The following MAGI1 variants were observed in gnomAD, a reference collection of about 807,000 sequenced individuals.
MAGI1 encodes membrane associated guanylate kinase, WW and PDZ domain containing 1, also known as membrane-associated guanylate kinase, WW and PDZ domain-containing protein 1.
In MAGI1, 58 loss-of-function variants were observed where a neutral mutation model predicts 139.9. The observed-to-expected ratio is 0.41, with a 90% CI of 0.34 to 0.52. The LOEUF (loss-of-function observed/expected upper bound fraction) is 0.52. MAGI1 is among the 20% of genes least tolerant of loss of function. The pLI is 0.12. For missense variants in MAGI1, 1,874 were observed against 1,901.6 expected (o/e 0.99, Z 0.27); for synonymous variants, 812 against 737.9 (o/e 1.10, Z -1.63).
At chr3:65,864,913 C>T (rs2059670147) in intron 1 of MAGI1, among the ~76,000 whole-genome samples, 1 of 152,164 alleles carries the variant, frequency 6.6e-6, no homozygotes, top group Admixed American at 6.5e-5. Context: ...AAATGGTCAT[C>T]ATTATCAAAA....
intron 1 of MAGI1, among the ~76,000 whole-genome samples, chr3:65,979,688 G>A (rs1422806719): frequency 6.6e-6 from 1 of 152,150 alleles, no homozygotes; most frequent in Non-Finnish European, 1.5e-5. Flanking sequence ...TCTGCAAAGA[G>A]TCGATAGGTA....
intron 1 of MAGI1, among the ~76,000 whole-genome samples, chr3:66,012,212 A>C (rs2067358254): frequency 6.6e-6 from 1 of 152,172 alleles, no homozygotes; most frequent in South Asian, 2.1e-4. Flanking sequence ...TAATCTGTCA[A>C]ACTTTTAAGT....
intron 2 of MAGI1, among the ~76,000 whole-genome samples, chr3:65,548,439 G>A (rs181935509): frequency 1.3e-5 from 2 of 150,438 alleles, no homozygotes; most frequent in African/African-American, 4.9e-5. Context: ...ATAAGGCTCT[G>A]CACAAAAGGG....
chr3:66,019,597 C>G (rs2107544300), intron 1 of MAGI1, among the ~76,000 whole-genome samples: 1 of 152,320 alleles, frequency 6.6e-6, no homozygotes, highest in Middle Eastern at 3.4e-3. Flanking sequence ...TAAATTTTAT[C>G]TACTTGCAAA....
chr3:65,440,591 G>C (rs1316021147), intron 8 of MAGI1, among the ~76,000 whole-genome samples: 1 of 152,098 alleles, frequency 6.6e-6, no homozygotes, highest in African/African-American at 2.4e-5. Flanking sequence ...AGAAGCATAA[G>C]CATTCATCCA....
At chr3:65,697,259 G>A (rs1369381619) in intron 1 of MAGI1, among the ~76,000 whole-genome samples, 2 of 151,746 alleles carry the variant, frequency 1.3e-5, no homozygotes, top group East Asian at 2.0e-4. Flanking sequence ...AAGAGTCCAG[G>A]ACCAGATGGA....
intron 1 of MAGI1, among the ~76,000 whole-genome samples, chr3:66,012,765 C>A (rs1321471029): frequency 3.2e-3 from 363 of 113,600 alleles, no homozygotes; most frequent in African/African-American, 4.0e-3. Context: ...GACTCCATCT[C>A]AAAAAAAAAA....
intron 5 of MAGI1, among the ~76,000 whole-genome samples, chr3:65,461,934 T>C (rs983207647): frequency 6.6e-6 from 1 of 152,220 alleles, no homozygotes; most frequent in East Asian, 1.9e-4. Context: ...TTTTGAAAAG[T>C]GTCTGTTCAT....
At chr3:65,594,120 G>T (rs1335477676) in intron 2 of MAGI1, among the ~76,000 whole-genome samples, 1 of 152,134 alleles carries the variant, frequency 6.6e-6, no homozygotes, top group Non-Finnish European at 1.5e-5. Flanking sequence ...CATGGATGAA[G>T]AAATAATAAT....
At chr3:65,867,371 C>A (rs907992709) in intron 1 of MAGI1, among the ~76,000 whole-genome samples, 2 of 152,160 alleles carry the variant, frequency 1.3e-5, no homozygotes, top group Non-Finnish European at 2.9e-5. Flanking sequence ...AACTGTAGAA[C>A]AATTCCTAAA....
intron 12 of MAGI1, among the ~76,000 whole-genome samples, chr3:65,428,248 T>G (rs1319447574): frequency 6.6e-6 from 1 of 152,162 alleles, no homozygotes; most frequent in African/African-American, 2.4e-5. Context: ...ATGTTGTTCA[T>G]GAAACAAATC....
At chr3:65,404,076 T>A (rs1222995222) in intron 12 of MAGI1, among the ~76,000 whole-genome samples, 1 of 152,170 alleles carries the variant, frequency 6.6e-6, no homozygotes, top group Non-Finnish European at 1.5e-5. Context: ...TTGCCTTCCA[T>A]GAACGTCCAC....
intron 12 of MAGI1, among the ~76,000 whole-genome samples, chr3:65,415,908 T>G (rs1025387296): frequency 6.6e-6 from 1 of 152,122 alleles, no homozygotes; most frequent in Non-Finnish European, 1.5e-5. Context: ...ACGTGAAAGT[T>G]GATTTGCAGA....
At chr3:65,697,808 C>T (rs1434145571) in intron 1 of MAGI1, among the ~76,000 whole-genome samples, 6 of 91,484 alleles carry the variant, frequency 6.6e-5, no homozygotes, top group South Asian at 3.4e-4. Flanking sequence ...CCTTTGAAAA[C>T]GGGCACAAGA....
intron 1 of MAGI1, among the ~76,000 whole-genome samples, chr3:65,964,613 T>G (rs541386798): frequency 2.6e-5 from 4 of 152,238 alleles, no homozygotes; most frequent in Non-Finnish European, 5.9e-5. Flanking sequence ...CCGGTGAGTA[T>G]GTGGTTCTCT....
In MAGI1 at chr3:65,597,937, G is replaced by A. The variant is rs1034441296; in HGVS notation, c.430+24035C>T. 3.3e-4 allele frequency: 141 copies of A among 430,816 alleles called. 1 individual carries two copies. The highest frequency in any genetic ancestry group is 5.6e-4 in the Non-Finnish European group (121 of 216,578). The allele number at this position is 430,816 out of a possible 1,614,324, so 26.7% of individuals were successfully genotyped here. On this transcript the variant is annotated intron_variant, in intron 2 of 22. Transcript: ENST00000402939. Reference sequence around the variant, plus strand: ...AGAGAGGCGGGGGTGGGGGGGGGGTGGGACCGAACCCCTTCCTGGGAGAGC... The same window carrying A: ...AGAGAGGCGGGGGTGGGGGGGGGGTAGGACCGAACCCCTTCCTGGGAGAGC...
intron 2 of MAGI1, among the ~76,000 whole-genome samples, chr3:65,509,001 C>A (rs1018967829): frequency 1.3e-5 from 2 of 152,154 alleles, no homozygotes; most frequent in Admixed American, 6.5e-5. Flanking sequence ...CCTGGTGATA[C>A]GATGCATGAT....
chr3:65,437,156 C>G lies in MAGI1; in HGVS notation c.1362G>C (p.Gln454His). The change falls in exon 10 of 23, where the codon CAG (glutamine) becomes CAC (histidine). Residue 454 changes from glutamine to histidine, a missense_variant and splice_region_variant. This residue lies in a region of MAGI1 where 648 missense variants were observed against 598.1 expected (regional missense o/e 1.08). Transcript: ENST00000402939. ...CAATTAGAAAGACAAGTACTTTACC[C>G]TGAAGTGGAACTTCTCTGGCTGGCT... Reference protein sequence around the residue: ...NPEPAREVPLQGKPFFTRNPS... With the variant: ...NPEPAREVPLHGKPFFTRNPS... 2 of 1,597,436 alleles carry G rather than the reference C, an allele frequency of 1.3e-6. No individual in the cohort carries two copies. Among genetic ancestry groups the G allele is most frequent in the Non-Finnish European group, 1.7e-6 (2 of 1,166,184 alleles).
chr3:65,369,247 T>C (rs1437239647), intron 18 of MAGI1, among the ~76,000 whole-genome samples: 3 of 151,978 alleles, frequency 2.0e-5, no homozygotes, highest in Non-Finnish European at 4.4e-5. Context: ...CATACAATAA[T>C]GCCAAGGAAA....
Sources: allele counts gnomAD v4.1 joint callset (sites outside exome capture counted in the v4.1 genomes callset), GRCh38; gene constraint gnomAD v4.1.1; regional missense constraint gnomAD v4.1.1; transcripts MANE v1.5; gene names NCBI Gene and HGNC (gene_info 2026-07-23, HGNC 2026-07-21).